Variants in FAM118B observed in about 807,000 individuals in gnomAD.
FAM118B encodes SIR2 antiphage like 1.
In FAM118B, 24 loss-of-function variants were observed where a neutral mutation model predicts 38.5. That is an observed-to-expected ratio of 0.62 (90% CI 0.45 to 0.88). The LOEUF is 0.88. Among genes scored for constraint, FAM118B ranks in the 40% least tolerant of loss-of-function variants. The pLI is 0.00. For missense variants in FAM118B, 334 were observed against 420.0 expected (o/e 0.80, Z 1.79); for synonymous variants, 138 against 156.3 (o/e 0.88, Z 0.87).
rs921883855 is a variant in FAM118B at position 126,252,332 on chromosome 11, A to G, written c.567+1599A>G. On this transcript the variant is annotated intron_variant, in intron 5 of 8. Transcript: ENST00000533050. This position sits in a 1 kb window ranked among gnomAD's most constrained non-coding sequence, Gnocchi z 4.7. ...TATCTGTTTTCTGACTGTTTACCCC[A>G]TAGGAATAGTAACTTCACTTGGATA... Among the ~76,000 whole-genome samples, 4 of 152,196 alleles carry G rather than the reference A, an allele frequency of 2.6e-5. No individual in the cohort carries two copies. The highest frequency in any genetic ancestry group is 5.9e-5 in the Non-Finnish European group (4 of 68,038).
chr11:126,217,996 G>A (rs1325498919), intron 1 of FAM118B, among the ~76,000 whole-genome samples: 3 of 152,172 alleles, frequency 2.0e-5, no homozygotes, highest in African/African-American at 7.2e-5. Context: ...GTTTTATGAT[G>A]TGTATTAACA....
intron 3 of FAM118B, among the ~76,000 whole-genome samples, chr11:126,238,423 C>T (rs1950309481): frequency 6.6e-6 from 1 of 152,156 alleles, no homozygotes; most frequent in South Asian, 2.1e-4. Flanking sequence ...CTGTCAGAAT[C>T]TGCAGGTTTT....
chr11:126,241,208 T>C (rs534378676), intron 4 of FAM118B, 164 bp downstream of exon 4: 5 of 677,268 alleles, frequency 7.4e-6, no homozygotes, highest in Non-Finnish European at 1.2e-5. Context: ...AATGTCTGTT[T>C]ATGGACCCTA....
intron 8 of FAM118B, 38 bp downstream of exon 8, chr11:126,261,522 G>A: frequency 1.9e-6 from 3 of 1,548,742 alleles, no homozygotes; most frequent in East Asian, 2.2e-5. Flanking sequence ...TCACTCTGTA[G>A]CAGAAAGTCT....
rs919070741 is a variant in FAM118B, at chr11:126,244,102, C to T, written c.339+3058C>T. On this transcript the variant is annotated intron_variant, in intron 4 of 8. Coordinates refer to ENST00000533050, the MANE Select transcript of FAM118B (RefSeq NM_024556.4). The surrounding 1 kb of genome is among the most constrained non-coding windows in gnomAD (Gnocchi z 4.5). ...ACAATAGAAGGTAACTACCTCAACA[C>T]GATAAAGACCGTATATGAAAAACTC... Among the ~76,000 whole-genome samples the T allele has an allele frequency of 1.3e-5, 2 of 151,956 alleles. No homozygotes were observed. The highest frequency in any genetic ancestry group is 2.1e-4 in the South Asian group (1 of 4,818).
Position 126,256,785 on chromosome 11 carries a change from T to A in FAM118B, c.915T>A (p.Asp305Glu). 6.2e-7 allele frequency: 1 copy of A among 1,614,046 alleles called. No homozygotes were observed. Among genetic ancestry groups the A allele is most frequent in the Non-Finnish European group, 8.5e-7 (1 of 1,179,946 alleles). The stretch of plus-strand genomic sequence containing the variant: ...GGATTAAAGTCATCTCCTATGGAGA[T>A]GACTATGCCGATCTTCCAGAATATT... ...DKGIKVISYG[D>E]DYADLPEYFK... The change falls in exon 7 of 9, where the codon GAT becomes GAA. Residue 305 changes from aspartate to glutamate, a missense_variant. This residue lies in a region of FAM118B where 88 missense variants were observed against 98.1 expected (regional missense o/e 0.90). Coordinates refer to ENST00000533050, the MANE Select transcript of FAM118B (RefSeq NM_024556.4). This position sits in a 1 kb window ranked among gnomAD's most constrained non-coding sequence, Gnocchi z 6.6.
rs1370031882 is a variant in FAM118B at position 126,262,588 on chromosome 11, A to T, written c.*455A>T. 1.2e-5 allele frequency: 2 copies of T among 166,640 alleles called. No homozygotes were observed. The highest frequency in any genetic ancestry group is 2.4e-5 in the African/African-American group (1 of 41,880). The allele number at this position is 166,640 out of a possible 1,614,324, so 10.3% of individuals were successfully genotyped here. ...ATGACTTGAAGCTCTAGTTTTCTAG[A>T]TCTTTTACAGTGTACAGTATTTTAC... On this transcript the variant is annotated 3_prime_UTR_variant, in exon 9 of 9. Transcript: ENST00000533050.
At chr11:126,218,979 A>G (rs915687234) in intron 1 of FAM118B, among the ~76,000 whole-genome samples, 4 of 152,242 alleles carry the variant, frequency 2.6e-5, no homozygotes, top group Admixed American at 1.3e-4. Flanking sequence ...GGGGGTGGAG[A>G]AAATAGATGA....
Position 126,211,819 on chromosome 11 carries a change from G to A in FAM118B, c.-88G>A, listed in dbSNP as rs951632863. On this transcript the variant is annotated 5_prime_UTR_variant, in exon 1 of 9. Coordinates refer to ENST00000533050, the MANE Select transcript of FAM118B (RefSeq NM_024556.4). Reference sequence around the variant, plus strand: ...AGCTGCAGCTGGAGCAGTGGCGTTTGGAGGAGACTCGGTGAGTGTGTAGGG... The same window carrying A: ...AGCTGCAGCTGGAGCAGTGGCGTTTAGAGGAGACTCGGTGAGTGTGTAGGG... The A allele has an allele frequency of 1.1e-5, 7 of 644,874 alleles. No individual in the cohort carries two copies. The highest frequency in any genetic ancestry group is 9.2e-5 in the African/African-American group (5 of 54,618). 39.9% of individuals were successfully genotyped at this position (644,874 alleles called of 1,614,324 possible). A position where few individuals can be genotyped will look rare whatever the true frequency, so the allele number is the denominator to read the frequency against.
At chr11:126,233,118 A>C (rs1950228583) in intron 2 of FAM118B, among the ~76,000 whole-genome samples, 1 of 152,184 alleles carries the variant, frequency 6.6e-6, no homozygotes, top group Non-Finnish European at 1.5e-5. Context: ...TTTGGAGTAG[A>C]GCCTAGAAAC....
rs1254455398 is a variant in FAM118B at position 126,254,381 on chromosome 11, T to C, written c.644T>C (p.Ile215Thr). The part of the protein sequence containing the change: ...IHGVYTNPSG[I>T]VLHPAGYQNV... ...GGAGTCTACACCAACCCTAGTGGCA[T>C]TGTCCTTCATCCGGCTGGATATCAG... Residue 215 changes from isoleucine (I) to threonine (T), a missense_variant, in exon 6 of 9, where the codon ATT (isoleucine) becomes ACT (threonine). Transcript: ENST00000533050. 9.9e-6 allele frequency: 16 copies of C among 1,614,134 alleles called. No homozygotes were observed. Among genetic ancestry groups the C allele is most frequent in the African/African-American group, 4.0e-5 (3 of 74,944 alleles).
intron 4 of FAM118B, among the ~76,000 whole-genome samples, chr11:126,246,831 G>T (rs1950425017): frequency 6.6e-6 from 1 of 152,116 alleles, no homozygotes; most frequent in Non-Finnish European, 1.5e-5. Context: ...AAGTTGTGTG[G>T]GAGTTTGGCA....
At chr11:126,227,288 C>G (rs1443002810) in intron 1 of FAM118B, among the ~76,000 whole-genome samples, 2 of 152,044 alleles carry the variant, frequency 1.3e-5, no homozygotes, top group East Asian at 3.9e-4. Flanking sequence ...GTCTTGAACT[C>G]CTGACCTCAG....
At chr11:126,231,427 A>G (rs1203348822) in intron 2 of FAM118B, among the ~76,000 whole-genome samples, 2 of 152,140 alleles carry the variant, frequency 1.3e-5, no homozygotes, top group Non-Finnish European at 2.9e-5. Flanking sequence ...TTTCCTGAAA[A>G]CAGTACTCTA....
intron 1 of FAM118B, among the ~76,000 whole-genome samples, chr11:126,228,137 A>C (rs1293646624): frequency 1.3e-5 from 2 of 152,044 alleles, no homozygotes; most frequent in Non-Finnish European, 1.5e-5. Flanking sequence ...TTTAAGTTGG[A>C]AATCCTCAAG....
chr11:126,253,324 C>T lies in FAM118B; in HGVS notation c.568-981C>T, dbSNP rs1013081218. On this transcript the variant is annotated intron_variant, in intron 5 of 8. Coordinates refer to ENST00000533050, the MANE Select transcript of FAM118B (RefSeq NM_024556.4). This position sits in a 1 kb window ranked among gnomAD's most constrained non-coding sequence, Gnocchi z 5.1. ...CTAGTAACATTCAAATTCTAAATCT[C>T]GGTGCCTCTTGACTACTTTCCTGAT... is the stretch of plus-strand genomic sequence containing the variant. 2.6e-5 allele frequency among the ~76,000 whole-genome samples: 4 copies of T among 152,120 alleles called. No homozygotes were observed. The highest frequency in any genetic ancestry group is 2.1e-4 in the South Asian group (1 of 4,820).
At chr11:126,223,369 G>A (rs1389602618) in intron 1 of FAM118B, among the ~76,000 whole-genome samples, 3 of 152,170 alleles carry the variant, frequency 2.0e-5, no homozygotes, top group African/African-American at 7.2e-5. Flanking sequence ...GGGAGCTGAG[G>A]CGGGCAGATC....
chr11:126,251,575 T>TA (rs1950504251), intron 5 of FAM118B, among the ~76,000 whole-genome samples: 1 of 152,216 alleles, frequency 6.6e-6, no homozygotes, highest in African/African-American at 2.4e-5. Context: ...TACGCCCTCA[T>TA]ATTCTGTATG....
intron 3 of FAM118B, among the ~76,000 whole-genome samples, chr11:126,239,773 CA>C (rs1295779551): frequency 6.6e-6 from 1 of 152,158 alleles, no homozygotes; most frequent in East Asian, 1.9e-4. Flanking sequence ...CTTGGCCCCC[CA>C]AAGTGCTGGG....
Sources: gnomAD v4.1 joint callset for allele counts (sites outside exome capture counted in the v4.1 genomes callset) on GRCh38, gnomAD v4.1.1 for gene constraint, gnomAD v4.1.1 regional missense constraint, Gnocchi (gnomAD v3.1) non-coding constraint, MANE v1.5 for transcripts, NCBI Gene and HGNC (gene_info 2026-07-23, HGNC 2026-07-21) for gene names.